The following CSMD1 variants were observed in gnomAD, a reference collection of about 807,000 sequenced individuals.
CSMD1 encodes CUB and Sushi multiple domains 1.
CSMD1 carries 213 observed loss-of-function variants against 417.5 expected under a neutral mutation model. That is an observed-to-expected ratio of 0.51 (90% CI 0.46 to 0.57). The LOEUF is 0.57. Among genes scored for constraint, CSMD1 ranks in the 20% least tolerant of loss-of-function variants. The pLI, the probability that CSMD1 is intolerant of heterozygous loss-of-function variation, is 0.00. For synonymous variants in CSMD1, 2,862 were observed against 1,736.8 expected (o/e 1.65, Z -16.11); for missense variants, 6,923 against 4,529.7 (o/e 1.53, Z -15.17).
intron 3 of CSMD1, among the ~76,000 whole-genome samples, chr8:4,285,193 G>C (rs1039035140): frequency 6.6e-6 from 1 of 152,316 alleles, no homozygotes; most frequent in East Asian, 1.9e-4. Flanking sequence ...TGTATGTCAA[G>C]GAGTGTGTTA....
chr8:3,335,194 G>A (rs1452398256), intron 23 of CSMD1, among the ~76,000 whole-genome samples: 2 of 152,042 alleles, frequency 1.3e-5, no homozygotes, highest in African/African-American at 4.8e-5. Flanking sequence ...TAGGGGTATT[G>A]GTGAACCAGC....
chr8:4,884,607 T>C (rs907821915), intron 1 of CSMD1, among the ~76,000 whole-genome samples: 11 of 152,220 alleles, frequency 7.2e-5, no homozygotes, highest in African/African-American at 2.6e-4. Context: ...CTAGTTGTTC[T>C]AGCATATTTG....
chr8:3,296,194 C>T (rs1463551708), intron 25 of CSMD1, among the ~76,000 whole-genome samples: 1 of 151,900 alleles, frequency 6.6e-6, no homozygotes, highest in East Asian at 1.9e-4. Context: ...GGTGGTTAGG[C>T]TAAGCCATCT....
intron 4 of CSMD1, among the ~76,000 whole-genome samples, chr8:3,999,009 A>G (rs1009277972): frequency 1.3e-5 from 2 of 149,152 alleles, no homozygotes; most frequent in Non-Finnish European, 3.0e-5. Flanking sequence ...TATATAAATA[A>G]CATATAAACT....
At chr8:3,725,407 T>C (rs991381890) in intron 6 of CSMD1, among the ~76,000 whole-genome samples, 2 of 152,052 alleles carry the variant, frequency 1.3e-5, no homozygotes, top group African/African-American at 2.4e-5. Flanking sequence ...AACATTTTTA[T>C]TTTTTAAAAG....
chr8:3,930,439 T>C (rs906915235), intron 5 of CSMD1, among the ~76,000 whole-genome samples: 1 of 150,694 alleles, frequency 6.6e-6, no homozygotes, highest in Non-Finnish European at 1.5e-5. Flanking sequence ...AAGCCTGTTC[T>C]TCTTCCTTAT....
intron 5 of CSMD1, among the ~76,000 whole-genome samples, chr8:3,824,102 G>C (rs750422566): frequency 1.3e-5 from 2 of 152,134 alleles, no homozygotes; most frequent in Non-Finnish European, 2.9e-5. Context: ...AGTGAAATTA[G>C]TCTCCTCATG....
intron 26 of CSMD1, among the ~76,000 whole-genome samples, chr8:3,282,162 C>T (rs1194908602): frequency 1.3e-5 from 2 of 152,138 alleles, no homozygotes; most frequent in Non-Finnish European, 2.9e-5. Flanking sequence ...GAATAATATA[C>T]CCATGGAATG....
intron 1 of CSMD1, among the ~76,000 whole-genome samples, chr8:4,789,265 G>A (rs933608309): frequency 5.3e-5 from 8 of 152,312 alleles, no homozygotes; most frequent in Non-Finnish European, 2.9e-5. Context: ...AAGATGATCT[G>A]AATTATAATC....
chr8:3,452,613 T>C (rs886676074), intron 12 of CSMD1, among the ~76,000 whole-genome samples: 2 of 152,220 alleles, frequency 1.3e-5, no homozygotes, highest in African/African-American at 4.8e-5. Flanking sequence ...ATATGCTGGA[T>C]TATGTTAATT....
chr8:3,437,620 T>C (rs778669157), intron 12 of CSMD1, among the ~76,000 whole-genome samples: 20 of 152,360 alleles, frequency 1.3e-4, no homozygotes, highest in Middle Eastern at 6.8e-3. Flanking sequence ...GATTCTCTTC[T>C]TTACATAGAA....
chr8:3,536,171 G>A (rs185890937), intron 10 of CSMD1, among the ~76,000 whole-genome samples: 12 of 152,292 alleles, frequency 7.9e-5, no homozygotes, highest in African/African-American at 2.4e-4. Flanking sequence ...GAGAGCACGG[G>A]GCTTTCAGCA....
At chr8:4,329,664 C>G (rs1467340457) in intron 3 of CSMD1, among the ~76,000 whole-genome samples, 1 of 152,004 alleles carries the variant, frequency 6.6e-6, no homozygotes, top group African/African-American at 2.4e-5. Flanking sequence ...ATCTGTATCC[C>G]CACCCAAATC....
intron 3 of CSMD1, among the ~76,000 whole-genome samples, chr8:4,061,683 C>G (rs573719823): frequency 1.3e-5 from 2 of 152,190 alleles, no homozygotes; most frequent in East Asian, 1.9e-4. Flanking sequence ...TGTGAAATAT[C>G]TTTTATGATT....
chr8:3,569,193 T>C (rs980246144), intron 10 of CSMD1, among the ~76,000 whole-genome samples: 2 of 152,186 alleles, frequency 1.3e-5, no homozygotes, highest in African/African-American at 4.8e-5. Context: ...ACTTCCTGAA[T>C]AGAAAATGCT....
At chr8:3,219,466 G>A in intron 28 of CSMD1, 24 bp from the exon 29 acceptor site, 1 of 1,397,168 alleles carries the variant, frequency 7.2e-7, no homozygotes, top group African/African-American at 1.5e-5. Flanking sequence ...TAGTAATTAT[G>A]TCATACGGCT....
intron 12 of CSMD1, among the ~76,000 whole-genome samples, chr8:3,450,174 A>G (rs1400321903): frequency 6.6e-6 from 1 of 152,206 alleles, no homozygotes; most frequent in Non-Finnish European, 1.5e-5. Flanking sequence ...TCTTACACTC[A>G]GGCGGCCTCC....
intron 2 of CSMD1, among the ~76,000 whole-genome samples, chr8:4,635,745 C>T (rs1585368594): frequency 6.6e-6 from 1 of 151,940 alleles, no homozygotes; most frequent in African/African-American, 2.4e-5. Context: ...TTTTAAAGAG[C>T]ATAAATTATT....
rs1247391253 is a variant in CSMD1, at chr8:4,982,772, C to T, written c.85+11560G>A. 2.0e-5 allele frequency among the ~76,000 whole-genome samples: 3 copies of T among 152,142 alleles called. No homozygotes were observed. The East Asian group carries it at 5.8e-4, about 29-fold the overall frequency. On this transcript the variant is annotated intron_variant, in intron 1 of 69. Transcript: ENST00000635120. ...GATCATACCCCAAAGTTCGGCTTGG[C>T]TATACTTTTTATACTTTCAGTTCCG...
Sources: gnomAD v4.1 joint callset for allele counts (sites outside exome capture counted in the v4.1 genomes callset) on GRCh38, gnomAD v4.1.1 for gene constraint, MANE v1.5 for transcripts, NCBI Gene and HGNC (gene_info 2026-07-23, HGNC 2026-07-21) for gene names.